The following CYB5B variants were observed in gnomAD, a reference collection of about 807,000 sequenced individuals.
The protein encoded by CYB5B is cytochrome b5 type B (outer mitochondrial membrane).
In CYB5B, 14 loss-of-function variants were observed where a neutral mutation model predicts 21.3. The observed-to-expected ratio is 0.66, with a 90% CI of 0.43 to 1.03. The LOEUF is 1.03. Among genes scored for constraint, CYB5B ranks in the 50% least tolerant of loss-of-function variants. The pLI is 0.00. For missense variants in CYB5B, 166 were observed against 185.1 expected (o/e 0.90, Z 0.60); for synonymous variants, 69 against 68.4 (o/e 1.01, Z -0.04).
chr16:69,424,740 A>G lies in CYB5B; in HGVS notation c.57A>G (p.Glu19=). ...GCGGCAGCGATGGGAAAGGGCAGGA[A>G]GTCGAGACCTCAGTCACCTATTACC... ...EASGSDGKGQ[E]VETSVTYYRL... is the part of the protein sequence containing the mutation. The change falls in exon 1 of 5, where the codon GAA becomes GAG. Residue 19 remains glutamate, a synonymous_variant. Transcript: ENST00000307892. The G allele has an allele frequency of 6.2e-7, 1 of 1,600,816 alleles. No individual in the cohort carries two copies. Among genetic ancestry groups the G allele is most frequent in the Non-Finnish European group, 8.5e-7 (1 of 1,173,748 alleles).
chr16:69,459,355 T>C, intron 4 of CYB5B: 1 of 467,886 alleles, frequency 2.1e-6, no homozygotes, highest in East Asian at 3.7e-5. Context: ...TTTAATCTTA[T>C]TGTGACATAA....
intron 1 of CYB5B, among the ~76,000 whole-genome samples, chr16:69,430,537 A>G (rs1178775221): frequency 6.6e-6 from 1 of 151,990 alleles, no homozygotes; most frequent in Non-Finnish European, 1.5e-5. Context: ...TCTCATGTAT[A>G]TGGTGTTTAT....
chr16:69,425,273 A>G (rs924864191), intron 1 of CYB5B, among the ~76,000 whole-genome samples: 1 of 152,030 alleles, frequency 6.6e-6, no homozygotes, highest in Non-Finnish European at 1.5e-5. Flanking sequence ...TTCTGAAGTA[A>G]TACCGGTTTT....
At position 69,464,080 on chromosome 16, in the gene CYB5B, C is replaced by T. The variant is rs1469278651; in HGVS notation, c.*1560C>T. 4 of 152,166 alleles carry T rather than the reference C, an allele frequency of 2.6e-5. No individual in the cohort carries two copies. Among genetic ancestry groups the T allele is most frequent in the Non-Finnish European group, 5.9e-5 (4 of 68,054 alleles). 9.4% of individuals were successfully genotyped at this position (152,166 alleles called of 1,614,324 possible). ...CATAGAGGCTGCTCAGCATCTCCTC[C>T]CTCCCTCCCAGCTTGCCAGGGATTT... On this transcript the variant is annotated 3_prime_UTR_variant, in exon 5 of 5. Coordinates refer to ENST00000307892, the MANE Select transcript of CYB5B (RefSeq NM_030579.3).
intron 1 of CYB5B, among the ~76,000 whole-genome samples, chr16:69,440,536 C>T (rs573813152): frequency 5.9e-4 from 90 of 152,234 alleles, no homozygotes; most frequent in African/African-American, 2.2e-3. Flanking sequence ...GGAAATTTCA[C>T]AGTATATATT....
At chr16:69,460,219 A>C (rs1462415941) in intron 4 of CYB5B, among the ~76,000 whole-genome samples, 1 of 152,048 alleles carries the variant, frequency 6.6e-6, no homozygotes, top group South Asian at 2.1e-4. Flanking sequence ...GGGCAACGAG[A>C]ACGAAACTCC....
chr16:69,455,205 C>G (rs374679495), intron 3 of CYB5B, among the ~76,000 whole-genome samples: 3 of 151,942 alleles, frequency 2.0e-5, no homozygotes, highest in African/African-American at 7.2e-5. Flanking sequence ...CCCTGTCTGT[C>G]GTAATGCGTC....
At chr16:69,462,129 T>C (rs1171771751) in intron 4 of CYB5B, among the ~76,000 whole-genome samples, 2 of 152,170 alleles carry the variant, frequency 1.3e-5, no homozygotes, top group Non-Finnish European at 2.9e-5. Context: ...TGTGAGAGTA[T>C]CCATAATCCC....
intron 1 of CYB5B, among the ~76,000 whole-genome samples, chr16:69,430,342 GGTAGCTGGGACTACA>G (rs2014692864): frequency 1.3e-5 from 2 of 151,860 alleles, no homozygotes; most frequent in African/African-American, 2.4e-5. Context: ...CAGCCTCCCA[GGTAGCTGGGACTACA>G]GGTATGTACT....
In CYB5B at chr16:69,462,747, G is replaced by A. The variant is rs1295475724; in HGVS notation, c.*227G>A. The A allele has an allele frequency of 1.0e-5, 5 of 488,120 alleles. No individual in the cohort carries two copies. The East Asian group carries it at 1.1e-4, about 10-fold the overall frequency. The allele number at this position is 488,120 out of a possible 1,614,324, so 30.2% of individuals were successfully genotyped here. ...CACTGTTCCGTGTTGAACAATTGCC[G>A]GTGTTTCCTCTCTTCACTGGTTTCC... is the stretch of plus-strand genomic sequence containing the variant. On this transcript the variant is annotated 3_prime_UTR_variant, in exon 5 of 5. Transcript: ENST00000307892.
chr16:69,429,313 C>G (rs990588463), intron 1 of CYB5B, among the ~76,000 whole-genome samples: 1 of 152,200 alleles, frequency 6.6e-6, no homozygotes, highest in African/African-American at 2.4e-5. Context: ...ATGCTGCTGG[C>G]TGGGGTGGCC....
intron 1 of CYB5B, among the ~76,000 whole-genome samples, chr16:69,446,404 A>G (rs1346311509): frequency 6.6e-6 from 1 of 151,820 alleles, no homozygotes; most frequent in African/African-American, 2.4e-5. Flanking sequence ...GCACACTGCA[A>G]CCTCCCCCTC....
At chr16:69,428,627 G>T (rs1317804122) in intron 1 of CYB5B, among the ~76,000 whole-genome samples, 1 of 152,000 alleles carries the variant, frequency 6.6e-6, no homozygotes, top group Non-Finnish European at 1.5e-5. Context: ...CTGAACTCCA[G>T]TCTGGTGATA....
intron 1 of CYB5B, among the ~76,000 whole-genome samples, chr16:69,425,188 G>T (rs1008988799): frequency 1.3e-5 from 2 of 152,170 alleles, no homozygotes; most frequent in Non-Finnish European, 2.9e-5. Context: ...GACTCTCAGG[G>T]CCATAGAGTT....
chr16:69,429,266 A>G (rs2142808117), intron 1 of CYB5B, among the ~76,000 whole-genome samples: 1 of 152,230 alleles, frequency 6.6e-6, no homozygotes, highest in East Asian at 1.9e-4. Flanking sequence ...TGAAAGAACA[A>G]AGTTTCCACA....
chr16:69,448,290 C>T (rs1034812699), intron 3 of CYB5B, 146 bp downstream of exon 3: 3 of 854,344 alleles, frequency 3.5e-6, no homozygotes, highest in African/African-American at 3.4e-5. Context: ...AATTTGGACT[C>T]AGTATCATCT....
chr16:69,459,740 A>G (rs999037762), intron 4 of CYB5B, among the ~76,000 whole-genome samples: 1 of 152,096 alleles, frequency 6.6e-6, no homozygotes, highest in Non-Finnish European at 1.5e-5. Flanking sequence ...TAGCCATTCT[A>G]TTTTTTGGAC....
intron 1 of CYB5B, among the ~76,000 whole-genome samples, chr16:69,427,860 G>A (rs1803978021): frequency 6.6e-6 from 1 of 152,024 alleles, no homozygotes; most frequent in Admixed American, 6.6e-5. Flanking sequence ...GCTGGGCGTG[G>A]TGGCACACAC....
intron 1 of CYB5B, among the ~76,000 whole-genome samples, chr16:69,434,199 G>A (rs1193133042): frequency 2.0e-5 from 3 of 152,062 alleles, no homozygotes; most frequent in African/African-American, 7.2e-5. Context: ...TTTTTTCTGT[G>A]TTATCAGTGA....
Sources: gnomAD v4.1 joint callset for allele counts (sites outside exome capture counted in the v4.1 genomes callset) on GRCh38, gnomAD v4.1.1 for gene constraint, MANE v1.5 for transcripts, NCBI Gene and HGNC (gene_info 2026-07-23, HGNC 2026-07-21) for gene names.